Variants in PTK2B observed in about 807,000 individuals in gnomAD.
The protein encoded by PTK2B is protein tyrosine kinase 2 beta.
Under a neutral mutation model 142.9 loss-of-function variants are expected in PTK2B, and 71 were observed. That is an observed-to-expected ratio of 0.50 (90% CI 0.41 to 0.61). The LOEUF (loss-of-function observed/expected upper bound fraction) is 0.61. Among genes scored for constraint, PTK2B ranks in the 20% least tolerant of loss-of-function variants. The pLI is 0.00. For missense variants in PTK2B, 1,105 were observed against 1,320.4 expected, an observed-to-expected ratio of 0.84 and a Z score of 2.53; for synonymous variants, 519 against 503.4, an observed-to-expected ratio of 1.03 and a Z score of -0.42.
Position 27,451,489 on chromosome 8 carries a change from C to T in PTK2B, c.2528C>T (p.Pro843Leu). 8 of 1,614,148 alleles carry T rather than the reference C, an allele frequency of 5.0e-6. No homozygotes were observed. Among genetic ancestry groups the T allele is most frequent in the Non-Finnish European group, 6.8e-6 (8 of 1,180,026 alleles). ...TCTCTTTCCTCCTTCCTCCAGACGC[C>T]AGAGAAGGAGGTCGGCTACCGTGAG... ...VYMNDKSPLT[P>L]EKEVGYLEFT... The change falls in exon 27 of 31, where the codon CCA (proline) becomes CTA (leucine). Residue 843 changes from proline to leucine, a missense_variant. Pro to Leu is a moderately conservative substitution (Grantham distance 98). Transcript: ENST00000346049.
At chr8:27,311,047 G>A (rs895131983), upstream of PTK2B, 11 of 1,598,776 alleles carry the variant, frequency 6.9e-6, no homozygotes, top group African/African-American at 8.0e-5. Context: ...CGGGTGACGC[G>A]CGGTCTTTGC....
intron 1 of PTK2B, among the ~76,000 whole-genome samples, chr8:27,388,435 G>A (rs1807507002): frequency 6.6e-6 from 1 of 152,210 alleles, no homozygotes; most frequent in South Asian, 2.1e-4. Flanking sequence ...CTCTTGGGAG[G>A]AAGGGGCACA....
At chr8:27,381,188 T>G (rs1373203736) in intron 1 of PTK2B, among the ~76,000 whole-genome samples, 1 of 152,216 alleles carries the variant, frequency 6.6e-6, no homozygotes, top group East Asian at 1.9e-4. Context: ...CATTTCTTTG[T>G]GTTGGGAATA....
At chr8:27,412,429 G>C (rs1809126408) in intron 2 of PTK2B, among the ~76,000 whole-genome samples, 1 of 152,002 alleles carries the variant, frequency 6.6e-6, no homozygotes, top group Non-Finnish European at 1.5e-5. Context: ...AAATTCCAAG[G>C]GTTTAAACAC....
chr8:27,432,418 T>C (rs2303881), intron 10 of PTK2B, 57 bp downstream of exon 10: 694,968 of 1,522,332 alleles, frequency 0.46, 161,088 homozygotes, highest in South Asian at 0.56. Context: ...TAATGGCAGA[T>C]TGGGAGCTCT....
At chr8:27,444,359 G>T (rs1025151400) in intron 23 of PTK2B, 88 bp downstream of exon 23, 2 of 1,460,916 alleles carry the variant, frequency 1.4e-6, no homozygotes, top group African/African-American at 2.8e-5. Flanking sequence ...AGGAGCAGCA[G>T]TCACCCACTT....
Position 27,454,228 on chromosome 8 carries a change from C to G in PTK2B, c.2670C>G (p.Ala890=). 1 of 1,614,108 alleles carries G rather than the reference C, an allele frequency of 6.2e-7. No homozygotes were observed. The highest frequency in any genetic ancestry group is 8.5e-7 in the Non-Finnish European group (1 of 1,180,026). ...VYLNVMELVR[A]VLELKNELCQ... ...TCAATGTCATGGAGCTGGTGCGGGC[C>G]GTGCTGGAGCTCAAGAATGAGCTCT... Residue 890 remains alanine (A), a synonymous_variant, in exon 29 of 31, where the codon GCC becomes GCG. Coordinates refer to ENST00000346049, the MANE Select transcript of PTK2B (RefSeq NM_173176.3).
intron 1 of PTK2B, among the ~76,000 whole-genome samples, chr8:27,390,043 G>A (rs1484298042): frequency 2.0e-5 from 3 of 152,214 alleles, no homozygotes; most frequent in African/African-American, 7.2e-5. Context: ...GAGGCGGAGT[G>A]GAAATAAAGT....
intron 1 of PTK2B, among the ~76,000 whole-genome samples, chr8:27,337,186 G>A (rs918429449): frequency 6.6e-6 from 1 of 151,906 alleles, no homozygotes; most frequent in African/African-American, 2.4e-5. Flanking sequence ...GCCCAGGCTG[G>A]AGTGAATGGC....
chr8:27,348,867 C>T (rs185125940), intron 1 of PTK2B, among the ~76,000 whole-genome samples: 2 of 152,164 alleles, frequency 1.3e-5, no homozygotes, highest in Non-Finnish European at 2.9e-5. Flanking sequence ...CATCCCCCTG[C>T]ATCCCAAGCC....
rs114241569 is a variant in PTK2B, at chr8:27,368,125, C to T, written c.-37-29423C>T. Among the ~76,000 whole-genome samples the T allele has an allele frequency of 4.0e-3, 610 of 152,356 alleles. 2 individuals carry two copies. Among genetic ancestry groups the T allele is most frequent in the African/African-American group, 0.014 (575 of 41,576 alleles). ...TAGCAGACGCCAGATGGCCTAGGAC[C>T]GTCCTTTCTCTCTGCCATGGAGTGA... On this transcript the variant is annotated intron_variant, in intron 1 of 30. Coordinates refer to ENST00000346049, the MANE Select transcript of PTK2B (RefSeq NM_173176.3).
At chr8:27,377,533 G>A (rs2131034412) in intron 1 of PTK2B, among the ~76,000 whole-genome samples, 2 of 152,270 alleles carry the variant, frequency 1.3e-5, no homozygotes, top group Middle Eastern at 3.4e-3. Flanking sequence ...TGGCTGCCAT[G>A]GGGAGGTCTT....
chr8:27,329,580 G>A (rs1358742029), intron 1 of PTK2B, among the ~76,000 whole-genome samples: 2 of 152,196 alleles, frequency 1.3e-5, no homozygotes, highest in South Asian at 2.1e-4. Flanking sequence ...CACATTGGGG[G>A]ATGGAGTAGA....
intron 23 of PTK2B, among the ~76,000 whole-genome samples, chr8:27,444,990 A>G (rs1811375665): frequency 6.6e-6 from 1 of 152,182 alleles, no homozygotes; most frequent in Non-Finnish European, 1.5e-5. Context: ...GGACTAATAG[A>G]TAAATCCTCT....
chr8:27,378,936 A>T (rs541908848), intron 1 of PTK2B, among the ~76,000 whole-genome samples: 1 of 152,234 alleles, frequency 6.6e-6, no homozygotes, highest in African/African-American at 2.4e-5. Context: ...ATGAACAAAG[A>T]GCTAAAGGAA....
chr8:27,446,066 G>A (rs910746961), intron 24 of PTK2B, 147 bp downstream of exon 24: 51 of 1,257,712 alleles, frequency 4.1e-5, no homozygotes, highest in Middle Eastern at 4.8e-4. Context: ...GTGGCACTCT[G>A]TGACTTCCTT....
chr8:27,409,502 G>C (rs1256952858), intron 2 of PTK2B, among the ~76,000 whole-genome samples: 1 of 152,162 alleles, frequency 6.6e-6, no homozygotes, highest in African/African-American at 2.4e-5. Flanking sequence ...AGCAACTTTG[G>C]AGACCAGGCA....
intron 2 of PTK2B, among the ~76,000 whole-genome samples, chr8:27,413,175 C>T (rs1463987916): frequency 6.6e-6 from 1 of 152,132 alleles, no homozygotes; most frequent in Non-Finnish European, 1.5e-5. Context: ...CACAAATATG[C>T]CCATTATCGT....
intron 15 of PTK2B, 62 bp downstream of exon 15, chr8:27,436,410 C>A (rs755017320): frequency 6.7e-7 from 1 of 1,503,376 alleles, no homozygotes; most frequent in Non-Finnish European, 9.2e-7. Context: ...AGACAGAGCT[C>A]GAATCTGAGC....
Sources: gnomAD v4.1 joint callset for allele counts (sites outside exome capture counted in the v4.1 genomes callset) on GRCh38, gnomAD v4.1.1 for gene constraint, MANE v1.5 for transcripts, NCBI Gene and HGNC (gene_info 2026-07-23, HGNC 2026-07-21) for gene names.